KIDINS220: variants seen among roughly 807,000 people sequenced by gnomAD.
The protein encoded by KIDINS220 is kinase D-interacting substrate of 220 kDa.
KIDINS220 carries 63 observed loss-of-function variants against 157.6 expected under a neutral mutation model. The observed-to-expected ratio is 0.40, with a 90% CI of 0.33 to 0.49. The LOEUF (loss-of-function observed/expected upper bound fraction) is 0.49. KIDINS220 is among the 20% of genes least tolerant of loss of function. KIDINS220 has a pLI of 0.66. For missense variants in KIDINS220, 1,772 were observed against 2,171.2 expected, an observed-to-expected ratio of 0.82 and a Z score of 3.65; for synonymous variants, 732 against 783.6, an observed-to-expected ratio of 0.93 and a Z score of 1.10.
At chr2:8,837,392 A>C (rs1680588144) in intron 1 of KIDINS220, 88 bp downstream of exon 1, 1 of 149,978 alleles carries the variant, frequency 6.7e-6, no homozygotes, top group Admixed American at 6.6e-5. Context: ...TCCCCGCCCG[A>C]CTCCCCGAGC....
chr2:8,735,715 T>C (rs991112338), intron 27 of KIDINS220, among the ~76,000 whole-genome samples: 1 of 152,184 alleles, frequency 6.6e-6, no homozygotes, highest in Admixed American at 6.5e-5. Context: ...TTATAATCAA[T>C]AGAATGTTCA....
intron 18 of KIDINS220, 43 bp downstream of exon 18, chr2:8,779,631 C>T (rs1378587727): frequency 6.3e-7 from 1 of 1,577,378 alleles, no homozygotes; most frequent in South Asian, 1.1e-5. Context: ...CTCTCAAGTG[C>T]CACAACATAA....
intron 11 of KIDINS220, among the ~76,000 whole-genome samples, chr2:8,795,593 G>A (rs1429387407): frequency 2.0e-5 from 3 of 152,194 alleles, no homozygotes; most frequent in Admixed American, 6.5e-5. Context: ...CAGTAAGAAT[G>A]TGTTCATGAA....
At chr2:8,771,617 A>G (rs946494895) in intron 21 of KIDINS220, among the ~76,000 whole-genome samples, 1 of 152,138 alleles carries the variant, frequency 6.6e-6, no homozygotes, top group African/African-American at 2.4e-5. Context: ...GTTTGTATGT[A>G]GACTAAGATA....
At chr2:8,762,940 CTAAA>C (rs1180342920) in intron 22 of KIDINS220, among the ~76,000 whole-genome samples, 1 of 152,122 alleles carries the variant, frequency 6.6e-6, no homozygotes, top group Non-Finnish European at 1.5e-5. Flanking sequence ...ACAATTAGAA[CTAAA>C]TAAAGCATTT....
intron 24 of KIDINS220, among the ~76,000 whole-genome samples, chr2:8,748,263 C>T (rs998107459): frequency 2.6e-5 from 4 of 152,084 alleles, no homozygotes; most frequent in South Asian, 2.1e-4. Flanking sequence ...CAGTTTGACA[C>T]GAGTTTCTCT....
intron 6 of KIDINS220, 26 bp from the exon 7 acceptor site, chr2:8,806,395 A>C (rs1215776362): frequency 4.9e-6 from 7 of 1,427,822 alleles, no homozygotes; most frequent in Middle Eastern, 3.7e-4. Context: ...ATAAATTTAA[A>C]ATTATTATAA....
chr2:8,812,844 A>T (rs543426688), intron 5 of KIDINS220, among the ~76,000 whole-genome samples: 40 of 152,348 alleles, frequency 2.6e-4, no homozygotes, highest in African/African-American at 9.1e-4. Context: ...GTAAGAAGAA[A>T]GCAAAATAAG....
chr2:8,832,143 C>T (rs189251559), intron 1 of KIDINS220, among the ~76,000 whole-genome samples: 2 of 152,272 alleles, frequency 1.3e-5, no homozygotes, highest in Admixed American at 6.5e-5. Flanking sequence ...AACATCATCT[C>T]GAATCTTCTA....
intron 22 of KIDINS220, among the ~76,000 whole-genome samples, chr2:8,752,545 A>G (rs1028689249): frequency 1.3e-5 from 2 of 152,172 alleles, no homozygotes; most frequent in Middle Eastern, 3.2e-3. Context: ...ATTGCTTTAC[A>G]GATGAGGACA....
intron 22 of KIDINS220, among the ~76,000 whole-genome samples, chr2:8,752,159 A>G (rs1667451004): frequency 1.3e-5 from 2 of 152,040 alleles, no homozygotes; most frequent in Non-Finnish European, 2.9e-5. Flanking sequence ...AGCTAAGACT[A>G]CAGGCTCATG....
chr2:8,795,661 G>C (rs1399153789), intron 11 of KIDINS220, among the ~76,000 whole-genome samples: 1 of 152,124 alleles, frequency 6.6e-6, no homozygotes, highest in African/African-American at 2.4e-5. Flanking sequence ...TGCTGACTCT[G>C]GGCACAGCAA....
chr2:8,836,255 G>A (rs755010511), intron 1 of KIDINS220, among the ~76,000 whole-genome samples: 1 of 151,560 alleles, frequency 6.6e-6, no homozygotes, highest in Non-Finnish European at 1.5e-5. Flanking sequence ...CTTAAGTTAT[G>A]CCTCCTCCCT....
At position 8,733,597 on chromosome 2, in the gene KIDINS220, C is replaced by A. The variant is rs761066591; in HGVS notation, c.3900G>T (p.Pro1300=). 3 of 1,613,820 alleles carry A rather than the reference C, an allele frequency of 1.9e-6. No homozygotes were observed. The East Asian group carries it at 6.7e-5, about 36-fold the overall frequency. The change falls in exon 29 of 30, where the codon CCG becomes CCT. Residue 1300 remains proline (P), a synonymous_variant. Coordinates refer to ENST00000256707, the MANE Select transcript of KIDINS220 (RefSeq NM_020738.4). ...AAGCGCGGCGAGCAGGCTCACCGTG[C>A]GGGGCTGGGCCACTGCTGCTCTCAC... ...FLSESSSGPA[P]HGEPARRASH... is the part of the protein sequence containing the mutation.
intron 17 of KIDINS220, among the ~76,000 whole-genome samples, chr2:8,781,148 TATATA>T (rs1222277519): frequency 0.02 from 17 of 864 alleles, no homozygotes; most frequent in East Asian, 0.5. Flanking sequence ...TTATTATATA[TATATA>T]ATATATATAT....
At chr2:8,831,886 T>C (rs983223759) in intron 1 of KIDINS220, among the ~76,000 whole-genome samples, 3 of 152,356 alleles carry the variant, frequency 2.0e-5, no homozygotes, top group East Asian at 1.9e-4. Flanking sequence ...TACTCTGGAA[T>C]CATATCTGAA....
intron 21 of KIDINS220, among the ~76,000 whole-genome samples, chr2:8,776,226 C>A (rs1020071224): frequency 2.0e-5 from 3 of 151,902 alleles, no homozygotes; most frequent in Non-Finnish European, 4.4e-5. Context: ...CAACCAATAC[C>A]CTGCAAAGAG....
intron 22 of KIDINS220, among the ~76,000 whole-genome samples, chr2:8,760,445 T>C (rs545023126): frequency 6.6e-6 from 1 of 152,296 alleles, no homozygotes; most frequent in East Asian, 1.9e-4. Context: ...CAAATAATTA[T>C]AAGAAATGTG....
At chr2:8,747,246 G>C in intron 25 of KIDINS220, 45 bp from the exon 26 acceptor site, 2 of 1,526,908 alleles carry the variant, frequency 1.3e-6, no homozygotes, top group Non-Finnish European at 1.8e-6. Flanking sequence ...GGGGAAGGGG[G>C]GAGCCAAACT....
Sources: gnomAD v4.1 joint callset for allele counts (sites outside exome capture counted in the v4.1 genomes callset) on GRCh38, gnomAD v4.1.1 for gene constraint, MANE v1.5 for transcripts, NCBI Gene and HGNC (gene_info 2026-07-23, HGNC 2026-07-21) for gene names.